SLX4IP: variants seen among roughly 807,000 people sequenced by gnomAD.
SLX4IP encodes SLX4 interacting protein.
A neutral mutation model predicts 32.9 loss-of-function variants in SLX4IP; 34 were observed. The observed-to-expected ratio is 1.03, with a 90% CI of 0.79 to 1.38. The LOEUF is 1.38. Ranked by LOEUF, SLX4IP falls within the 40% of genes most tolerant of loss-of-function variation. The probability of loss-of-function intolerance (pLI) is 0.00; values close to 1 mark genes in which losing one functional copy is unlikely to be tolerated. For synonymous variants in SLX4IP, 172 were observed against 171.7 expected (o/e 1.00, Z -0.01); for missense variants, 444 against 479.0 (o/e 0.93, Z 0.68).
chr20:10,534,419 G>C (rs1214954234), intron 2 of SLX4IP, among the ~76,000 whole-genome samples: 1 of 152,142 alleles, frequency 6.6e-6, no homozygotes, highest in Non-Finnish European at 1.5e-5. Context: ...CACAGAAGCA[G>C]GAAAAATTGC....
At chr20:10,446,487 C>G (rs2065203848) in intron 1 of SLX4IP, among the ~76,000 whole-genome samples, 1 of 150,578 alleles carries the variant, frequency 6.6e-6, no homozygotes, top group African/African-American at 2.4e-5. Flanking sequence ...TCTCATTTCT[C>G]TGGGATAAAT....
chr20:10,489,207 G>A (rs563445269), intron 2 of SLX4IP, among the ~76,000 whole-genome samples: 54 of 152,242 alleles, frequency 3.5e-4, no homozygotes, highest in African/African-American at 1.3e-3. Context: ...TCTGTATGGG[G>A]TCATTCTTCT....
intron 3 of SLX4IP, among the ~76,000 whole-genome samples, chr20:10,559,437 TCAAC>T (rs2066307345): frequency 6.6e-6 from 1 of 152,194 alleles, no homozygotes; most frequent in Admixed American, 6.5e-5. Flanking sequence ...TTCTAAGAGA[TCAAC>T]CTGAGATGAC....
intron 2 of SLX4IP, among the ~76,000 whole-genome samples, chr20:10,461,207 T>C (rs1433651421): frequency 6.6e-6 from 1 of 152,236 alleles, no homozygotes; most frequent in East Asian, 1.9e-4. Flanking sequence ...TGAAACTGGC[T>C]ATGGCCAAGT....
intron 4 of SLX4IP, among the ~76,000 whole-genome samples, chr20:10,588,719 A>G (rs1204293275): frequency 1.6e-4 from 25 of 152,204 alleles, no homozygotes; most frequent in Admixed American, 1.6e-3. Context: ...TCATAAAAGC[A>G]GAGAGTAGAA....
At chr20:10,590,348 GTATT>G (rs2066693646) in intron 4 of SLX4IP, among the ~76,000 whole-genome samples, 3 of 151,578 alleles carry the variant, frequency 2.0e-5, no homozygotes, top group Admixed American at 2.0e-4. Context: ...ATTTATGTAT[GTATT>G]TATTTATTTT....
intron 6 of SLX4IP, among the ~76,000 whole-genome samples, chr20:10,607,266 G>T (rs1009624882): frequency 6.6e-6 from 1 of 152,222 alleles, no homozygotes; most frequent in East Asian, 1.9e-4. Flanking sequence ...GCTGGATTTC[G>T]CTGATGACAC....
intron 3 of SLX4IP, among the ~76,000 whole-genome samples, chr20:10,560,499 A>G (rs1291130126): frequency 6.6e-6 from 1 of 152,246 alleles, no homozygotes; most frequent in Non-Finnish European, 1.5e-5. Context: ...ACAGTGAGCC[A>G]ACATCATGGT....
At chr20:10,442,504 A>G (rs535817502) in intron 1 of SLX4IP, among the ~76,000 whole-genome samples, 37 of 152,344 alleles carry the variant, frequency 2.4e-4, no homozygotes, top group Non-Finnish European at 4.1e-4. Context: ...ACAATAGAAG[A>G]TGAGGCATCA....
At chr20:10,444,231 C>A (rs995108018) in intron 1 of SLX4IP, among the ~76,000 whole-genome samples, 1 of 64,898 alleles carries the variant, frequency 1.5e-5, no homozygotes, top group Non-Finnish European at 4.6e-5. Context: ...GCTGGCATCA[C>A]CATGTGTTTT....
chr20:10,589,765 TAA>T (rs1451742359), intron 4 of SLX4IP, among the ~76,000 whole-genome samples: 2 of 151,940 alleles, frequency 1.3e-5, no homozygotes, highest in African/African-American at 4.8e-5. Context: ...TAGAAAGAAA[TAA>T]GAGTATATGT....
intron 4 of SLX4IP, among the ~76,000 whole-genome samples, chr20:10,597,390 A>C (rs78889250): frequency 0.023 from 3,544 of 152,320 alleles, 102 homozygotes; most frequent in African/African-American, 0.069. Flanking sequence ...AAAGTAGTTT[A>C]TACCTGGAGG....
intron 4 of SLX4IP, among the ~76,000 whole-genome samples, chr20:10,596,584 C>T (rs541061142): frequency 1.6e-4 from 25 of 152,138 alleles, no homozygotes; most frequent in African/African-American, 6.0e-4. Flanking sequence ...TTTGAAATTT[C>T]GAACATGCCT....
At chr20:10,584,261 T>C (rs1168619069) in intron 4 of SLX4IP, among the ~76,000 whole-genome samples, 1 of 152,212 alleles carries the variant, frequency 6.6e-6, no homozygotes, top group Admixed American at 6.5e-5. Context: ...CTAATATGCA[T>C]TGCCTTCTCA....
At chr20:10,505,030 G>T (rs1161249745) in intron 2 of SLX4IP, among the ~76,000 whole-genome samples, 1 of 152,132 alleles carries the variant, frequency 6.6e-6, no homozygotes, top group Non-Finnish European at 1.5e-5. Flanking sequence ...TGTGCATTTG[G>T]CAATCAAATG....
intron 2 of SLX4IP, among the ~76,000 whole-genome samples, chr20:10,476,291 C>T (rs556630979): frequency 4.6e-5 from 7 of 152,134 alleles, no homozygotes; most frequent in Non-Finnish European, 1.0e-4. Context: ...AGGACCCAAC[C>T]TTCAGTAGCA....
chr20:10,484,657 G>A (rs1370884203), intron 2 of SLX4IP, among the ~76,000 whole-genome samples: 1 of 152,106 alleles, frequency 6.6e-6, no homozygotes, highest in Non-Finnish European at 1.5e-5. Flanking sequence ...TAATGCCTAA[G>A]TGAATGAAAG....
chr20:10,529,969 T>A (rs547335007), intron 2 of SLX4IP, among the ~76,000 whole-genome samples: 2 of 152,272 alleles, frequency 1.3e-5, no homozygotes, highest in South Asian at 2.1e-4. Flanking sequence ...ACCAGCAGGG[T>A]TGGCAGCGTG....
At chr20:10,504,867 C>T (rs867751549) in intron 2 of SLX4IP, among the ~76,000 whole-genome samples, 3 of 152,002 alleles carry the variant, frequency 2.0e-5, no homozygotes, top group African/African-American at 7.2e-5. Flanking sequence ...TTATTTATGC[C>T]GTTCTCATAG....
Sources: allele counts gnomAD v4.1 joint callset (sites outside exome capture counted in the v4.1 genomes callset), GRCh38; gene constraint gnomAD v4.1.1; transcripts MANE v1.5; gene names NCBI Gene and HGNC (gene_info 2026-07-23, HGNC 2026-07-21).